Variants in TRANK1 observed in about 807,000 individuals in gnomAD.
TRANK1 encodes TPR and ankyrin repeat-containing protein 1.
A neutral mutation model predicts 266.0 loss-of-function variants in TRANK1; 198 were observed. The observed-to-expected ratio is 0.74, with a 90% CI of 0.66 to 0.84. The LOEUF is 0.84. TRANK1 is among the 40% of genes least tolerant of loss of function. The pLI, the probability that TRANK1 is intolerant of heterozygous loss-of-function variation, is 0.00. For missense variants in TRANK1, 3,326 were observed against 3,634.6 expected (o/e 0.92, Z 2.18); for synonymous variants, 1,396 against 1,384.1 (o/e 1.01, Z -0.19).
intron 1 of TRANK1, among the ~76,000 whole-genome samples, chr3:36,924,331 C>T (rs1436321417): frequency 6.6e-6 from 1 of 152,208 alleles, no homozygotes; most frequent in Non-Finnish European, 1.5e-5. Context: ...GTGGAACCCT[C>T]TTTTCATCTT....
At chr3:36,899,467 C>T (rs1391680814) in intron 3 of TRANK1, among the ~76,000 whole-genome samples, 1 of 152,090 alleles carries the variant, frequency 6.6e-6, no homozygotes, top group African/African-American at 2.4e-5. Context: ...CCAGCCTAGG[C>T]AACATAGTGA....
intron 8 of TRANK1, among the ~76,000 whole-genome samples, chr3:36,882,057 T>C (rs1471902134): frequency 6.6e-6 from 1 of 152,240 alleles, no homozygotes; most frequent in Non-Finnish European, 1.5e-5. Context: ...AATAATCATG[T>C]ACAAGTTCTT....
intron 1 of TRANK1, among the ~76,000 whole-genome samples, chr3:36,933,385 T>TG (rs2080386008): frequency 6.6e-6 from 1 of 152,258 alleles, no homozygotes; most frequent in Non-Finnish European, 1.5e-5. Flanking sequence ...AAGAATCCTC[T>TG]GTTTGAGTGT....
intron 1 of TRANK1, among the ~76,000 whole-genome samples, chr3:36,938,602 T>C (rs1453232416): frequency 1.3e-5 from 2 of 151,988 alleles, no homozygotes; most frequent in Non-Finnish European, 2.9e-5. Flanking sequence ...ACTGTGGACT[T>C]TGGCCAGGCT....
At chr3:36,937,151 C>G (rs1005076547) in intron 1 of TRANK1, among the ~76,000 whole-genome samples, 1 of 152,108 alleles carries the variant, frequency 6.6e-6, no homozygotes, top group African/African-American at 2.4e-5. Flanking sequence ...ACTTCTGGGT[C>G]TGAAATGGAG....
intron 8 of TRANK1, among the ~76,000 whole-genome samples, chr3:36,879,673 A>AATATACAAATATATATAAATATATAAAT (rs2079454315): frequency 1.2e-5 from 1 of 83,590 alleles, no homozygotes; most frequent in African/African-American, 6.6e-5. Context: ...AATATATATA[A>AATATACAAATATATATAAATATATAAAT]ATATATAAAT....
intron 13 of TRANK1, among the ~76,000 whole-genome samples, chr3:36,853,970 A>G (rs2079016938): frequency 6.6e-6 from 1 of 152,244 alleles, no homozygotes; most frequent in South Asian, 2.1e-4. Flanking sequence ...TTGTGAATAC[A>G]TTAAAAAACA....
chr3:36,853,098 G>C (rs2079006971), intron 13 of TRANK1, among the ~76,000 whole-genome samples: 1 of 152,170 alleles, frequency 6.6e-6, no homozygotes, highest in Non-Finnish European at 1.5e-5. Context: ...CGTTAATAGT[G>C]ACATTGGCTT....
chr3:36,857,323 A>G lies in TRANK1; in HGVS notation c.2399T>C (p.Leu800Pro). 6.2e-7 allele frequency: 1 copy of G among 1,608,906 alleles called. No homozygotes were observed. Among genetic ancestry groups the G allele is most frequent in the Non-Finnish European group, 8.5e-7 (1 of 1,177,538 alleles). ...HAQVGLGALQ[L>P]VPDDNRGKEG... ...CTTCCCCCTGTTATCATCAGGCACA[A>G]GCTGCAAGGCCCCAAGGCCCACCTG... Residue 800 changes from leucine to proline, a missense_variant, in exon 13 of 24, where the codon CTT becomes CCT. Leu to Pro is a moderately conservative substitution (Grantham distance 98). Transcript: ENST00000645898. The surrounding 1 kb of genome is among the most constrained non-coding windows in gnomAD (Gnocchi z 4.3).
intron 17 of TRANK1, among the ~76,000 whole-genome samples, chr3:36,843,196 C>A (rs1358266959): frequency 6.6e-6 from 1 of 152,104 alleles, no homozygotes; most frequent in Non-Finnish European, 1.5e-5. Flanking sequence ...TTCTAGTATT[C>A]ATGTAAGATA....
chr3:36,901,940 A>T (rs1246226302), intron 3 of TRANK1, among the ~76,000 whole-genome samples: 2 of 152,214 alleles, frequency 1.3e-5, no homozygotes, highest in Admixed American at 1.3e-4. Context: ...AGGATTGGGA[A>T]TATCCTAAAA....
At chr3:36,943,529 A>C (rs2125676092) in intron 1 of TRANK1, among the ~76,000 whole-genome samples, 1 of 144,040 alleles carries the variant, frequency 6.9e-6, no homozygotes, top group East Asian at 2.1e-4. Context: ...GAGCATATGA[A>C]CTCAAGCACC....
In TRANK1 at chr3:36,846,447, A is replaced by G. The variant is rs375812416; in HGVS notation, c.5035-43T>C. On this transcript the variant is annotated intron_variant, in intron 16 of 23. Coordinates refer to ENST00000645898, the MANE Select transcript of TRANK1 (RefSeq NM_001329998.2). ...GACAAAGATGATGAGCCATTTGTCT[A>G]TAGCTACAAAGTGACACACTTCAAT... is the stretch of plus-strand genomic sequence containing the variant. 3.1e-5 allele frequency: 49 copies of G among 1,579,996 alleles called. No homozygotes were observed. The South Asian group carries it at 5.2e-4, about 17-fold the overall frequency.
rs781408828 is a variant in TRANK1, at chr3:36,833,581, G to A, written c.6002C>T (p.Ala2001Val). 1.2e-6 allele frequency: 2 copies of A among 1,613,886 alleles called. No individual in the cohort carries two copies. Among genetic ancestry groups the A allele is most frequent in the Non-Finnish European group, 1.7e-6 (2 of 1,179,886 alleles). Residue 2001 changes from alanine (A) to valine (V), a missense_variant, in exon 22 of 24, where the codon GCC becomes GTC. Physicochemically the swap from Ala to Val is moderately conservative, Grantham distance 64. Coordinates refer to ENST00000645898, the MANE Select transcript of TRANK1 (RefSeq NM_001329998.2). ...GGTGTGTTCTATGTCGGAATCCCTG[G>A]CCACATTGAGGCGGGCGGCCCCCAG... is the stretch of plus-strand genomic sequence containing the variant. ...CLLGAARLNVARDSDIEHTKD... is the reference protein window; with the variant it reads ...CLLGAARLNVVRDSDIEHTKD...
rs1347244045 is a variant in TRANK1, at chr3:36,879,629, T to TATACAAATATATATAA, written c.908-5334_908-5333insTTATATATATTTGTAT. ...ATATAAATATACAAATATATATAAA[T>TATACAAATATATATAA]ATATATAAATATACAAATATATATA... is the stretch of plus-strand genomic sequence containing the variant. On this transcript the variant is annotated intron_variant, in intron 8 of 23. Transcript: ENST00000645898. Among the ~76,000 whole-genome samples, 105 of 69,068 alleles carry TATACAAATATATATAA rather than the reference T, an allele frequency of 1.5e-3. 19 individuals carry two copies. The highest frequency in any genetic ancestry group is 8.0e-3 in the African/African-American group (92 of 11,506). The allele number at this position is 69,068 out of a possible 152,430, so 45.3% of individuals were successfully genotyped here. A position where few individuals can be genotyped will look rare whatever the true frequency, so the allele number is the denominator to read the frequency against.
chr3:36,855,395 T>C lies in TRANK1; in HGVS notation c.4327A>G (p.Thr1443Ala). ...ELYGDEIQDF[T>A]QAELALLMKC... ...ATCAGCAGCGCCAGCTCGGCCTGGG[T>C]AAAGTCTTGAATCTCATCACCATAG... Residue 1443 changes from threonine (T) to alanine (A), a missense_variant, in exon 13 of 24, where the codon ACC becomes GCC. Thr to Ala is a moderately conservative substitution (Grantham distance 58). Coordinates refer to ENST00000645898, the MANE Select transcript of TRANK1 (RefSeq NM_001329998.2). 1 of 1,613,974 alleles carries C rather than the reference T, an allele frequency of 6.2e-7. No homozygotes were observed. Among genetic ancestry groups the C allele is most frequent in the Non-Finnish European group, 8.5e-7 (1 of 1,179,882 alleles).
At chr3:36,872,262 G>A (rs1369992113) in intron 9 of TRANK1, among the ~76,000 whole-genome samples, 1 of 152,172 alleles carries the variant, frequency 6.6e-6, no homozygotes, top group Non-Finnish European at 1.5e-5. Context: ...GTAGCCGAGT[G>A]TGGTGGTACA....
rs1040857389 is a variant in TRANK1 at position 36,846,823 on chromosome 3, T to C, written c.5034+377A>G. On this transcript the variant is annotated intron_variant, in intron 16 of 23. Transcript: ENST00000645898. ...ATCCCAAAGATTACATCTTACACAA[T>C]TGCTGTGATTTATTTTTAAAAATTA... Among the ~76,000 whole-genome samples the C allele has an allele frequency of 2.6e-5, 4 of 152,214 alleles. No individual in the cohort carries two copies. The South Asian group carries it at 6.2e-4, about 24-fold the overall frequency.
chr3:36,915,613 G>A (rs1006528632), intron 1 of TRANK1, among the ~76,000 whole-genome samples: 10 of 152,178 alleles, frequency 6.6e-5, no homozygotes, highest in African/African-American at 2.4e-4. Flanking sequence ...TGAAAGGATG[G>A]CCACTATCCC....
Sources: gnomAD v4.1 joint callset for allele counts (sites outside exome capture counted in the v4.1 genomes callset) on GRCh38, gnomAD v4.1.1 for gene constraint, Gnocchi (gnomAD v3.1) non-coding constraint, MANE v1.5 for transcripts, NCBI Gene and HGNC (gene_info 2026-07-23, HGNC 2026-07-21) for gene names.